The following MDGA2 variants were observed in gnomAD, a reference collection of about 807,000 sequenced individuals.
MDGA2 encodes the protein MAM domain-containing glycosylphosphatidylinositol anchor protein 2.
Under a neutral mutation model 117.8 loss-of-function variants are expected in MDGA2, and 40 were observed. That is an observed-to-expected ratio of 0.34 (90% CI 0.26 to 0.44). The LOEUF is 0.44. Among genes scored for constraint, MDGA2 ranks in the 20% least tolerant of loss-of-function variants. The pLI is 1.00. For missense variants in MDGA2, 1,123 were observed against 1,250.6 expected (o/e 0.90, Z 1.54); for synonymous variants, 452 against 439.0 (o/e 1.03, Z -0.37).
rs981564624 is a variant in MDGA2, at chr14:47,260,830, G to T, written c.420+40581C>A. Among the ~76,000 whole-genome samples the T allele has an allele frequency of 5.9e-5, 9 of 151,954 alleles. No homozygotes were observed. The South Asian group carries it at 1.0e-3, about 18-fold the overall frequency. On this transcript the variant is annotated intron_variant, in intron 2 of 16. Transcript: ENST00000399232. ...TACCTTTGTAATATGTATCCCCTTTGTACATAGTACGTTGTACTATGGTCA... is the reference window on the plus strand; with the variant it reads ...TACCTTTGTAATATGTATCCCCTTTTTACATAGTACGTTGTACTATGGTCA...
chr14:47,602,104 G>C (rs1216957915), intron 1 of MDGA2, among the ~76,000 whole-genome samples: 3 of 152,176 alleles, frequency 2.0e-5, no homozygotes, highest in African/African-American at 7.2e-5. Context: ...CTGAAAACTT[G>C]TGACTATTTT....
At chr14:47,410,954 C>T (rs1361173282) in intron 1 of MDGA2, among the ~76,000 whole-genome samples, 3 of 152,154 alleles carry the variant, frequency 2.0e-5, no homozygotes, top group South Asian at 2.1e-4. Context: ...CAACTTTAGT[C>T]TGTTGAATAG....
chr14:47,489,504 T>G (rs1368560874), intron 1 of MDGA2, among the ~76,000 whole-genome samples: 2 of 152,016 alleles, frequency 1.3e-5, no homozygotes, highest in East Asian at 3.9e-4. Flanking sequence ...CCCCATTTAT[T>G]TGGGGGAGAT....
chr14:47,432,048 GA>G (rs1892810150), intron 1 of MDGA2, among the ~76,000 whole-genome samples: 1 of 152,032 alleles, frequency 6.6e-6, no homozygotes, highest in African/African-American at 2.4e-5. Context: ...TAACATAAAT[GA>G]CCAACTCTTG....
intron 8 of MDGA2, among the ~76,000 whole-genome samples, chr14:46,990,392 A>T (rs1887041599): frequency 6.6e-6 from 1 of 152,068 alleles, no homozygotes; most frequent in Admixed American, 6.6e-5. Context: ...TGAAAACTAA[A>T]ATCTTCATAG....
chr14:47,497,152 G>T (rs764986615), intron 1 of MDGA2, among the ~76,000 whole-genome samples: 6 of 152,032 alleles, frequency 3.9e-5, no homozygotes, highest in Non-Finnish European at 7.4e-5. Flanking sequence ...AAGGACTGAA[G>T]TTCACATCAG....
intron 5 of MDGA2, among the ~76,000 whole-genome samples, chr14:47,124,835 C>T (rs760378169): frequency 1.3e-5 from 2 of 151,996 alleles, no homozygotes; most frequent in Non-Finnish European, 2.9e-5. Flanking sequence ...AGCAGCCATC[C>T]GCAAGCCAAG....
chr14:47,244,366 C>A (rs1887169562), intron 2 of MDGA2, among the ~76,000 whole-genome samples: 1 of 151,710 alleles, frequency 6.6e-6, no homozygotes, highest in Non-Finnish European at 1.5e-5. Flanking sequence ...CCCTATGTAT[C>A]CAATATTACA....
intron 1 of MDGA2, among the ~76,000 whole-genome samples, chr14:47,307,467 G>T (rs1260696584): frequency 6.6e-6 from 1 of 152,120 alleles, no homozygotes; most frequent in Non-Finnish European, 1.5e-5. Flanking sequence ...GATCACCTGA[G>T]GTCAGGAGTT....
At chr14:47,488,172 T>C (rs1894098480) in intron 1 of MDGA2, among the ~76,000 whole-genome samples, 1 of 152,166 alleles carries the variant, frequency 6.6e-6, no homozygotes, top group Non-Finnish European at 1.5e-5. Flanking sequence ...ATAAGGGGTA[T>C]TGTCAGATGT....
At chr14:47,399,762 T>TG (rs397852561) in intron 1 of MDGA2, among the ~76,000 whole-genome samples, 2 of 151,986 alleles carry the variant, frequency 1.3e-5, no homozygotes, top group Admixed American at 6.6e-5. Flanking sequence ...TCTGTTTTTT[T>TG]GTTAAAAAAA....
intron 7 of MDGA2, among the ~76,000 whole-genome samples, chr14:47,049,133 AC>A (rs1889364630): frequency 1.3e-5 from 2 of 152,120 alleles, no homozygotes; most frequent in Non-Finnish European, 2.9e-5. Context: ...GTAAAAGTGG[AC>A]TACTTACGTT....
intron 1 of MDGA2, among the ~76,000 whole-genome samples, chr14:47,523,506 A>G (rs1894911849): frequency 6.6e-6 from 1 of 152,172 alleles, no homozygotes; most frequent in African/African-American, 2.4e-5. Flanking sequence ...AAGAGACTGG[A>G]ATTCAGAATA....
intron 8 of MDGA2, among the ~76,000 whole-genome samples, chr14:46,976,899 C>T (rs1407332464): frequency 2.0e-5 from 3 of 151,810 alleles, no homozygotes; most frequent in African/African-American, 4.8e-5. Flanking sequence ...TAGATAATTG[C>T]AGATTAATTG....
intron 1 of MDGA2, among the ~76,000 whole-genome samples, chr14:47,477,275 A>AT (rs528967537): frequency 9.2e-4 from 140 of 152,142 alleles, no homozygotes; most frequent in Middle Eastern, 3.4e-3. Flanking sequence ...CAATAAATAC[A>AT]TTTTTTTTCA....
chr14:46,907,342 T>C (rs537828795), intron 10 of MDGA2, among the ~76,000 whole-genome samples: 1 of 152,262 alleles, frequency 6.6e-6, no homozygotes, highest in Non-Finnish European at 1.5e-5. Flanking sequence ...CTAACAAGTG[T>C]TCTATCAGTC....
chr14:47,249,218 C>T (rs974344271), intron 2 of MDGA2, among the ~76,000 whole-genome samples: 8 of 151,694 alleles, frequency 5.3e-5, no homozygotes, highest in Non-Finnish European at 1.2e-4. Context: ...GGGATTTCAC[C>T]ATGTTAGCCA....
intron 1 of MDGA2, among the ~76,000 whole-genome samples, chr14:47,505,831 G>A (rs1405419358): frequency 1.3e-5 from 2 of 152,092 alleles, no homozygotes; most frequent in African/African-American, 4.8e-5. Context: ...TATGAGTCTT[G>A]TCTATTGATT....
intron 1 of MDGA2, among the ~76,000 whole-genome samples, chr14:47,552,243 C>T (rs1895595893): frequency 6.6e-6 from 1 of 152,148 alleles, no homozygotes; most frequent in African/African-American, 2.4e-5. Flanking sequence ...ACTTAAATAC[C>T]ACCTTTGACT....
Sources: allele counts gnomAD v4.1 joint callset (sites outside exome capture counted in the v4.1 genomes callset), GRCh38; gene constraint gnomAD v4.1.1; transcripts MANE v1.5; gene names NCBI Gene and HGNC (gene_info 2026-07-23, HGNC 2026-07-21).